RNF111: variants seen among roughly 807,000 people sequenced by gnomAD.
RNF111 encodes E3 ubiquitin-protein ligase Arkadia.
In RNF111, 17 loss-of-function variants were observed where a neutral mutation model predicts 95.1. The observed-to-expected ratio is 0.18, with a 90% CI of 0.12 to 0.27. The LOEUF is 0.27. Ranked by LOEUF, RNF111 falls within the 10% of genes least tolerant of loss-of-function variation. The pLI, the probability that RNF111 is intolerant of heterozygous loss-of-function variation, is 1.00. For missense variants in RNF111, 1,189 were observed against 1,210.4 expected, an observed-to-expected ratio of 0.98 and a Z score of 0.26; for synonymous variants, 440 against 414.8, an observed-to-expected ratio of 1.06 and a Z score of -0.74.
chr15:59,095,792 C>T lies in RNF111; in HGVS notation c.*892C>T, dbSNP rs989930198. On this transcript the variant is annotated 3_prime_UTR_variant, in exon 14 of 14. Coordinates refer to ENST00000348370, the MANE Select transcript of RNF111 (RefSeq NM_017610.8). ...AGAATTTGTTGTCTTCTGCTAAGCA[C>T]GAAAAGTTAAGATATCTGCTTACAT... is the stretch of plus-strand genomic sequence containing the variant. 7.8e-6 allele frequency: 3 copies of T among 385,376 alleles called. No individual in the cohort carries two copies. Among genetic ancestry groups the T allele is most frequent in the East Asian group, 3.7e-5 (1 of 26,988 alleles). The allele number at this position is 385,376 out of a possible 1,614,324, so 23.9% of individuals were successfully genotyped here. A position where few individuals can be genotyped will look rare whatever the true frequency, so the allele number is the denominator to read the frequency against.
At chr15:59,079,138 G>A (rs984040203) in intron 7 of RNF111, among the ~76,000 whole-genome samples, 10 of 152,204 alleles carry the variant, frequency 6.6e-5, no homozygotes, top group African/African-American at 9.7e-5. Context: ...TTTAAACAGT[G>A]AATTAAAGTG....
intron 6 of RNF111, 55 bp from the exon 7 acceptor site, chr15:59,075,898 AC>A: frequency 6.4e-7 from 1 of 1,560,332 alleles, no homozygotes; most frequent in Non-Finnish European, 8.8e-7. Flanking sequence ...TTATAATATA[AC>A]ATGAAATATT....
intron 8 of RNF111, 147 bp from the exon 9 acceptor site, chr15:59,083,982 G>T (rs924812249): frequency 5.5e-6 from 3 of 548,932 alleles, no homozygotes; most frequent in Admixed American, 9.2e-5. Context: ...AATTTTATAT[G>T]TTTTTATAAT....
chr15:59,085,654 G>A lies in RNF111; in HGVS notation c.2424-5G>A, dbSNP rs201271056. On this transcript the variant is annotated splice_polypyrimidine_tract_variant and splice_region_variant and intron_variant, in intron 9 of 13. Transcript: ENST00000348370. ...AGGATTAAACTGTTCTCATCCTTTCGTTAGGGAACTGGGAATTGAAGCTGG... is the reference window on the plus strand; with the variant it reads ...AGGATTAAACTGTTCTCATCCTTTCATTAGGGAACTGGGAATTGAAGCTGG... 1.0e-3 allele frequency: 1,633 copies of A among 1,612,336 alleles called. 1 individual carries two copies. In the Middle Eastern group the frequency reaches 0.012, roughly 12 times the overall value.
chr15:59,091,049 T>A lies in RNF111; in HGVS notation c.2644-10T>A. 1 of 1,557,254 alleles carries A rather than the reference T, an allele frequency of 6.4e-7. No individual in the cohort carries two copies. The highest frequency in any genetic ancestry group is 8.8e-7 in the Non-Finnish European group (1 of 1,130,782). On this transcript the variant is annotated splice_polypyrimidine_tract_variant and intron_variant, in intron 11 of 13. Transcript: ENST00000348370. ...TGGCTTTTACCAGTCATTATATTCT[T>A]CACTTTCAGGAACTGATTCATTTGG...
At chr15:59,052,464 A>G (rs772373427) in intron 3 of RNF111, 33 bp downstream of exon 3, 8 of 1,439,360 alleles carry the variant, frequency 5.6e-6, no homozygotes, top group Middle Eastern at 1.8e-4. Context: ...AATGTTTGAA[A>G]TATTAAATAT....
chr15:58,998,201 C>G (rs939618892), intron 1 of RNF111, among the ~76,000 whole-genome samples: 1 of 151,896 alleles, frequency 6.6e-6, no homozygotes, highest in East Asian at 1.9e-4. Flanking sequence ...CCGTGTCTGG[C>G]CAAGCACATG....
chr15:59,076,490 A>G (rs369643178), intron 7 of RNF111, among the ~76,000 whole-genome samples: 1 of 152,234 alleles, frequency 6.6e-6, no homozygotes, highest in Admixed American at 6.5e-5. Context: ...AGAATTCTCA[A>G]GCAGTTAGCT....
At chr15:59,025,823 C>T (rs182535304) in intron 1 of RNF111, among the ~76,000 whole-genome samples, 5 of 151,942 alleles carry the variant, frequency 3.3e-5, no homozygotes, top group South Asian at 4.1e-4. Context: ...CGCTGCCTTG[C>T]GGATTCAAGC....
intron 7 of RNF111, among the ~76,000 whole-genome samples, chr15:59,078,078 C>T (rs2078619182): frequency 6.6e-6 from 1 of 152,194 alleles, no homozygotes; most frequent in South Asian, 2.1e-4. Context: ...TTCGAGTTGA[C>T]CTCCCAGCTC....
chr15:59,002,419 T>C (rs907960125), intron 1 of RNF111, among the ~76,000 whole-genome samples: 6 of 152,208 alleles, frequency 3.9e-5, no homozygotes, highest in African/African-American at 1.4e-4. Flanking sequence ...AACATTCTTA[T>C]GTGAGGGACA....
chr15:59,019,250 T>G (rs2040218609), intron 1 of RNF111, among the ~76,000 whole-genome samples: 1 of 152,158 alleles, frequency 6.6e-6, no homozygotes, highest in East Asian at 1.9e-4. Flanking sequence ...TTAAATTAAG[T>G]TTTAATTATT....
intron 1 of RNF111, among the ~76,000 whole-genome samples, chr15:59,025,282 CTTCTT>C (rs1279530476): frequency 3.9e-5 from 6 of 152,266 alleles, no homozygotes; most frequent in African/African-American, 1.4e-4. Flanking sequence ...GGGTCCCACT[CTTCTT>C]TTCATAATTG....
At chr15:59,018,674 A>G (rs2141624872) in intron 1 of RNF111, among the ~76,000 whole-genome samples, 1 of 152,302 alleles carries the variant, frequency 6.6e-6, no homozygotes. Context: ...AAATGCATAT[A>G]TTAATATAAG....
chr15:59,027,719 G>A (rs2040690253), intron 1 of RNF111, among the ~76,000 whole-genome samples: 1 of 151,022 alleles, frequency 6.6e-6, no homozygotes, highest in African/African-American at 2.4e-5. Flanking sequence ...AGTAAGACAG[G>A]GTTTCTTTTC....
intron 2 of RNF111, among the ~76,000 whole-genome samples, chr15:59,045,084 G>C (rs967156150): frequency 6.6e-6 from 1 of 151,612 alleles, no homozygotes; most frequent in East Asian, 1.9e-4. Flanking sequence ...AGCAAAGCTA[G>C]CTTTGTATCA....
chr15:59,088,940 A>G (rs974532089), intron 10 of RNF111, among the ~76,000 whole-genome samples: 18 of 152,122 alleles, frequency 1.2e-4, no homozygotes, highest in African/African-American at 4.3e-4. Context: ...AAACAACACA[A>G]TCACCAACAA....
At chr15:59,009,899 TG>T (rs1246705057) in intron 1 of RNF111, among the ~76,000 whole-genome samples, 2 of 152,166 alleles carry the variant, frequency 1.3e-5, no homozygotes, top group Non-Finnish European at 2.9e-5. Context: ...AAGGCTGCAG[TG>T]AGCTGTGATC....
rs755320595 is a variant in RNF111 at position 59,091,040 on chromosome 15, T to A, written c.2644-19T>A. 6.7e-7 allele frequency: 1 copy of A among 1,497,152 alleles called. No individual in the cohort carries two copies. 92.7% of individuals were successfully genotyped at this position (1,497,152 alleles called of 1,614,324 possible). A position where few individuals can be genotyped will look rare whatever the true frequency, so the allele number is the denominator to read the frequency against. On this transcript the variant is annotated intron_variant, in intron 11 of 13. Coordinates refer to ENST00000348370, the MANE Select transcript of RNF111 (RefSeq NM_017610.8). ...TAATCATCTTGGCTTTTACCAGTCA[T>A]TATATTCTTCACTTTCAGGAACTGA... is the stretch of plus-strand genomic sequence containing the variant.
Sources: gnomAD v4.1 joint callset for allele counts (sites outside exome capture counted in the v4.1 genomes callset) on GRCh38, gnomAD v4.1.1 for gene constraint, MANE v1.5 for transcripts, NCBI Gene and HGNC (gene_info 2026-07-23, HGNC 2026-07-21) for gene names.